PARVB: variants seen among roughly 807,000 people sequenced by gnomAD.
PARVB encodes the protein beta-parvin.
In PARVB, 46 loss-of-function variants were observed where a neutral mutation model predicts 47.0. The ratio of observed to expected loss-of-function variants is 0.98; its 90% CI spans 0.77 to 1.25. PARVB has a LOEUF of 1.25. Ranked by LOEUF, PARVB falls within the 50% of genes most tolerant of loss-of-function variation. PARVB has a pLI of 0.00. For synonymous variants in PARVB, 196 were observed against 196.3 expected (o/e 1.00, Z 0.01); for missense variants, 473 against 471.6 (o/e 1.00, Z -0.03).
intron 2 of PARVB, among the ~76,000 whole-genome samples, chr22:44,012,464 A>C (rs74602586): frequency 1.8e-3 from 276 of 152,340 alleles, no homozygotes; most frequent in African/African-American, 6.4e-3. Flanking sequence ...CTTAGTATTT[A>C]CTGTGAACAT....
intron 7 of PARVB, chr22:44,139,766 G>A: frequency 3.7e-6 from 1 of 266,838 alleles, no homozygotes; most frequent in Non-Finnish European, 7.3e-6. Context: ...TGTGTTTTGA[G>A]CGTTCCACGG....
At chr22:44,057,316 C>T (rs1286416119) in intron 1 of PARVB, among the ~76,000 whole-genome samples, 2 of 151,960 alleles carry the variant, frequency 1.3e-5, no homozygotes, top group Non-Finnish European at 2.9e-5. Flanking sequence ...ATGAGCCAGT[C>T]GAGTCATATA....
chr22:44,036,260 A>C (rs1011822501), intron 1 of PARVB, among the ~76,000 whole-genome samples: 2 of 152,164 alleles, frequency 1.3e-5, no homozygotes, highest in South Asian at 2.1e-4. Context: ...GTCTCAAAAA[A>C]ATAAAATAAA....
chr22:44,154,303 TTTTG>T (rs1450590812), intron 10 of PARVB, among the ~76,000 whole-genome samples: 1 of 152,220 alleles, frequency 6.6e-6, no homozygotes, highest in Non-Finnish European at 1.5e-5. Context: ...ATGCAGGGAT[TTTTG>T]TTTTGTTTTG....
At chr22:44,006,579 C>G (rs947438866) in intron 2 of PARVB, among the ~76,000 whole-genome samples, 2 of 152,146 alleles carry the variant, frequency 1.3e-5, no homozygotes, top group African/African-American at 4.8e-5. Flanking sequence ...GAGCCGAGAT[C>G]GTGCCACTGC....
chr22:44,041,066 T>C (rs887782201), intron 1 of PARVB, among the ~76,000 whole-genome samples: 3 of 152,068 alleles, frequency 2.0e-5, no homozygotes, highest in Admixed American at 1.3e-4. Flanking sequence ...GTGGGAATTA[T>C]TTCCAGCTGC....
chr22:44,053,194 C>T (rs775700301), intron 1 of PARVB, among the ~76,000 whole-genome samples: 35 of 151,704 alleles, frequency 2.3e-4, no homozygotes, highest in Non-Finnish European at 4.0e-4. Flanking sequence ...AGCAATTCCC[C>T]TTCCTCAGCC....
chr22:44,001,665 A>C (rs1271988995), intron 2 of PARVB, among the ~76,000 whole-genome samples: 5 of 152,188 alleles, frequency 3.3e-5, no homozygotes, highest in African/African-American at 1.2e-4. Context: ...TGCTGGATCC[A>C]AGTTTCCAAA....
chr22:44,138,473 C>G (rs1391292307), intron 7 of PARVB, among the ~76,000 whole-genome samples: 1 of 152,152 alleles, frequency 6.6e-6, no homozygotes, highest in African/African-American at 2.4e-5. Context: ...GGATGATGCC[C>G]CAGGTAGGTT....
chr22:44,063,087 A>G (rs1273986836), intron 1 of PARVB, among the ~76,000 whole-genome samples: 1 of 151,982 alleles, frequency 6.6e-6, no homozygotes, highest in East Asian at 1.9e-4. Flanking sequence ...ATTCCAAGGG[A>G]TTAGGAACTT....
At chr22:44,129,725 G>A (rs1328195893) in intron 4 of PARVB, among the ~76,000 whole-genome samples, 3 of 152,212 alleles carry the variant, frequency 2.0e-5, no homozygotes, top group Admixed American at 6.5e-5. Context: ...ATGAATAAGC[G>A]GGAATCGTTT....
chr22:44,082,888 T>C (rs1406963044), intron 1 of PARVB, among the ~76,000 whole-genome samples: 1 of 152,134 alleles, frequency 6.6e-6, no homozygotes, highest in Non-Finnish European at 1.5e-5. Context: ...TAAGCAACTT[T>C]TCGTATTCAG....
At chr22:44,160,973 G>C (rs1322763775) in intron 11 of PARVB, among the ~76,000 whole-genome samples, 1 of 152,178 alleles carries the variant, frequency 6.6e-6, no homozygotes, top group Non-Finnish European at 1.5e-5. Flanking sequence ...AGGTGCACGG[G>C]AGAGGCACGT....
At chr22:44,022,021 G>T (rs144635513), upstream of PARVB, among the ~76,000 whole-genome samples, 112 of 152,124 alleles carry the variant, frequency 7.4e-4, no homozygotes, top group Middle Eastern at 6.8e-3. Context: ...GTACACAGGG[G>T]TATTACAAGG....
intron 1 of PARVB, among the ~76,000 whole-genome samples, chr22:44,062,617 A>G (rs1279562200): frequency 6.6e-6 from 1 of 151,942 alleles, no homozygotes; most frequent in Admixed American, 6.6e-5. Flanking sequence ...AGCCTGAGCA[A>G]CAAGAGCAAA....
chr22:44,094,947 C>T (rs889265818), intron 2 of PARVB, among the ~76,000 whole-genome samples: 3 of 151,308 alleles, frequency 2.0e-5, no homozygotes, highest in Non-Finnish European at 4.4e-5. Flanking sequence ...CACCACGTGG[C>T]GTGGCGTGGT....
intron 1 of PARVB, among the ~76,000 whole-genome samples, chr22:44,059,149 G>A (rs562545410): frequency 4.0e-4 from 58 of 146,070 alleles, no homozygotes; most frequent in Middle Eastern, 3.6e-3. Context: ...ACATTTAAGC[G>A]ATTCTTCTGC....
intron 3 of PARVB, among the ~76,000 whole-genome samples, chr22:44,101,470 C>A (rs544814389): frequency 1.4e-4 from 21 of 151,710 alleles, no homozygotes; most frequent in Admixed American, 1.1e-3. Flanking sequence ...TACATTGAGA[C>A]CGGGCGCAGT....
intron 4 of PARVB, among the ~76,000 whole-genome samples, chr22:44,129,424 T>C (rs993375904): frequency 2.9e-4 from 44 of 152,056 alleles, no homozygotes; most frequent in African/African-American, 1.1e-3. Flanking sequence ...CGACTCCTCT[T>C]CCTCCACCCT....
Sources: allele counts gnomAD v4.1 joint callset (sites outside exome capture counted in the v4.1 genomes callset), GRCh38; gene constraint gnomAD v4.1.1; transcripts MANE v1.5; gene names NCBI Gene and HGNC (gene_info 2026-07-23, HGNC 2026-07-21).